The following DLGAP4 variants were observed in gnomAD, a reference collection of about 807,000 sequenced individuals.
DLGAP4 encodes disks large-associated protein 4.
DLGAP4 carries 18 observed loss-of-function variants against 86.9 expected under a neutral mutation model. The ratio of observed to expected loss-of-function variants is 0.21; its 90% CI spans 0.14 to 0.31. The LOEUF (loss-of-function observed/expected upper bound fraction) is 0.31. DLGAP4 is among the 10% of genes least tolerant of loss of function. DLGAP4 has a pLI of 1.00. For synonymous variants in DLGAP4, 548 were observed against 574.3 expected, an observed-to-expected ratio of 0.95 and a Z score of 0.65; for missense variants, 1,085 against 1,362.6, an observed-to-expected ratio of 0.80 and a Z score of 3.21.
intron 4 of DLGAP4, among the ~76,000 whole-genome samples, chr20:36,439,427 G>A (rs549964028): frequency 3.3e-5 from 5 of 152,216 alleles, no homozygotes; most frequent in Non-Finnish European, 7.3e-5. Context: ...GTGGAGATAA[G>A]GGGTGAGTCT....
chr20:36,409,034 C>CTTTTTTTTT (rs35210861), intron 2 of DLGAP4, among the ~76,000 whole-genome samples: 1 of 111,180 alleles, frequency 9.0e-6, no homozygotes, highest in Admixed American at 1.1e-4. Context: ...AAATAAAAGG[C>CTTTTTTTTT]TTTTTTTTTT....
At chr20:36,344,436 C>G (rs1600417325) in intron 1 of DLGAP4, among the ~76,000 whole-genome samples, 1 of 152,202 alleles carries the variant, frequency 6.6e-6, no homozygotes, top group East Asian at 1.9e-4. Flanking sequence ...CTGGGCCCCT[C>G]CATCTACCAC....
At chr20:36,320,818 G>A (rs1251636608) in intron 1 of DLGAP4, among the ~76,000 whole-genome samples, 4 of 152,268 alleles carry the variant, frequency 2.6e-5, no homozygotes, top group East Asian at 1.9e-4. Flanking sequence ...CCTCTCTGCC[G>A]CCTAAGGCCA....
intron 8 of DLGAP4, chr20:36,497,358 C>T: frequency 1.6e-6 from 2 of 1,266,862 alleles, no homozygotes; most frequent in Non-Finnish European, 2.0e-6. Flanking sequence ...CACTGTTTGC[C>T]TGTCCACTGT....
At chr20:36,436,972 C>CCTCG (rs2033304844) in intron 4 of DLGAP4, among the ~76,000 whole-genome samples, 1 of 152,222 alleles carries the variant, frequency 6.6e-6, no homozygotes, top group South Asian at 2.1e-4. Context: ...CACCCGCAAG[C>CCTCG]CTCGTCCCCT....
intron 2 of DLGAP4, among the ~76,000 whole-genome samples, chr20:36,399,929 G>A (rs1298172619): frequency 6.6e-6 from 1 of 152,210 alleles, no homozygotes; most frequent in East Asian, 1.9e-4. Context: ...CTGAGCAGGG[G>A]CTACTAGCTT....
At chr20:36,462,242 C>T (rs117854914) in intron 7 of DLGAP4, 143 of 1,219,034 alleles carry the variant, frequency 1.2e-4, no homozygotes, top group Middle Eastern at 9.6e-4. Context: ...TCAGGAGCTC[C>T]TCTCTGCTTT....
intron 7 of DLGAP4, chr20:36,462,389 C>T: frequency 2.9e-6 from 4 of 1,360,068 alleles, no homozygotes; most frequent in Non-Finnish European, 3.7e-6. Context: ...GTGGTCTCGC[C>T]ACTCTGTGCC....
chr20:36,511,601 G>A (rs2036698606), intron 10 of DLGAP4, among the ~76,000 whole-genome samples: 1 of 152,052 alleles, frequency 6.6e-6, no homozygotes, highest in Non-Finnish European at 1.5e-5. Flanking sequence ...GCGGCCGGGT[G>A]CAGTGGCTCA....
At chr20:36,443,357 C>G (rs1041649151) in intron 6 of DLGAP4, among the ~76,000 whole-genome samples, 1 of 152,168 alleles carries the variant, frequency 6.6e-6, no homozygotes, top group Non-Finnish European at 1.5e-5. Flanking sequence ...GCCCTCTCCT[C>G]CCTCCCAGGC....
At chr20:36,516,017 GA>G (rs1353669362) in intron 10 of DLGAP4, among the ~76,000 whole-genome samples, 1 of 152,152 alleles carries the variant, frequency 6.6e-6, no homozygotes, top group African/African-American at 2.4e-5. Context: ...AGTGCTGCTG[GA>G]TCCCAGCATC....
chr20:36,394,925 G>T (rs1353415783), intron 2 of DLGAP4, among the ~76,000 whole-genome samples: 1 of 152,078 alleles, frequency 6.6e-6, no homozygotes, highest in Non-Finnish European at 1.5e-5. Flanking sequence ...GTGCAACCTG[G>T]GGATAAAAAT....
At chr20:36,422,493 A>C (rs949315277) in intron 2 of DLGAP4, among the ~76,000 whole-genome samples, 1 of 152,166 alleles carries the variant, frequency 6.6e-6, no homozygotes, top group Admixed American at 6.5e-5. Context: ...TTATGGTTAG[A>C]TCAGTGAGGG....
At chr20:36,473,129 C>T (rs1213131619) in intron 7 of DLGAP4, 1 of 152,252 alleles carries the variant, frequency 6.6e-6, no homozygotes, top group Non-Finnish European at 1.5e-5. Flanking sequence ...GAAATCCTGG[C>T]TTCCCAAACC....
At chr20:36,364,590 G>A (rs1326684761) in intron 1 of DLGAP4, among the ~76,000 whole-genome samples, 12 of 152,166 alleles carry the variant, frequency 7.9e-5, no homozygotes, top group African/African-American at 2.4e-4. Flanking sequence ...GGAAGCCTGA[G>A]GCAGCCCAGA....
At chr20:36,482,210 C>G (rs574391220) in intron 7 of DLGAP4, among the ~76,000 whole-genome samples, 1 of 152,336 alleles carries the variant, frequency 6.6e-6, no homozygotes, top group African/African-American at 2.4e-5. Flanking sequence ...CTTGTTAACA[C>G]TGCCTTTCTA....
At position 36,436,163 on chromosome 20, in the gene DLGAP4, G is replaced by T. The variant is rs199988815; in HGVS notation, c.1054G>T (p.Asp352Tyr). 1 of 1,596,810 alleles carries T rather than the reference G, an allele frequency of 6.3e-7. No individual in the cohort carries two copies. The highest frequency in any genetic ancestry group is 1.7e-5 in the Admixed American group (1 of 59,436). ...CACGCTGCTGTCCCCACGCGAGACG[G>T]ATGCCGCGGCCGAGGGCCCTATCCC... ...STTLLSPRET[D>Y]AAAEGPIPCR... is the part of the protein sequence containing the mutation. Residue 352 changes from aspartate (D) to tyrosine (Y), a missense_variant, in exon 4 of 13, where the codon GAT (aspartate) becomes TAT (tyrosine). By Grantham distance (160) the Asp-to-Tyr change is radical. Around this residue, in one of 2 missense-constraint regions of DLGAP4, gnomAD observed 1,082 missense variants for 1,344.1 expected, o/e 0.81. Coordinates refer to ENST00000339266, the MANE Select transcript of DLGAP4 (RefSeq NM_001365621.2).
rs1404422333 is a variant in DLGAP4 at position 36,434,032 on chromosome 20, C to T, written c.999+1316C>T. 4.6e-5 allele frequency among the ~76,000 whole-genome samples: 7 copies of T among 151,508 alleles called. No individual in the cohort carries two copies. The East Asian group carries it at 1.2e-3, about 25-fold the overall frequency. ...GATCCTGGCTCACTGCAACCTCCGC[C>T]TCCTGGGTTCCAGTGATTCTCCTGC... On this transcript the variant is annotated intron_variant, in intron 3 of 12. Coordinates refer to ENST00000339266, the MANE Select transcript of DLGAP4 (RefSeq NM_001365621.2).
chr20:36,391,549 GC>G (rs755812914), intron 2 of DLGAP4, among the ~76,000 whole-genome samples: 10 of 152,162 alleles, frequency 6.6e-5, no homozygotes, highest in Non-Finnish European at 1.2e-4. Flanking sequence ...TCTCTCTTGT[GC>G]CCAACACTGT....
Sources: gnomAD v4.1 joint callset for allele counts (sites outside exome capture counted in the v4.1 genomes callset) on GRCh38, gnomAD v4.1.1 for gene constraint, gnomAD v4.1.1 regional missense constraint, MANE v1.5 for transcripts, NCBI Gene and HGNC (gene_info 2026-07-23, HGNC 2026-07-21) for gene names.